SYT1: variants seen among roughly 807,000 people sequenced by gnomAD.
The protein encoded by SYT1 is synaptotagmin-1.
A neutral mutation model predicts 44.8 loss-of-function variants in SYT1; 8 were observed. The observed-to-expected ratio is 0.18, with a 90% confidence interval of 0.10 to 0.32. The LOEUF (loss-of-function observed/expected upper bound fraction) is 0.32. Among genes scored for constraint, SYT1 ranks in the 10% least tolerant of loss-of-function variants. The pLI is 1.00. For synonymous variants in SYT1, 154 were observed against 188.8 expected, an observed-to-expected ratio of 0.82 and a Z score of 1.51; for missense variants, 286 against 509.3, an observed-to-expected ratio of 0.56 and a Z score of 4.22.
At chr12:78,868,572 GT>G (rs1873661822) in intron 1 of SYT1, 2 of 151,772 alleles carry the variant, frequency 1.3e-5, no homozygotes, top group South Asian at 4.1e-4. Context: ...TTAAGGATAT[GT>G]GTGTGTATAT....
chr12:79,450,314 T>C lies in SYT1; in HGVS notation c.*1190T>C, dbSNP rs1870981450. The C allele has an allele frequency of 6.6e-6, 1 of 152,598 alleles. No individual in the cohort carries two copies. Among genetic ancestry groups the C allele is most frequent in the Non-Finnish European group, 1.5e-5 (1 of 68,016 alleles). 9.5% of individuals were successfully genotyped at this position (152,598 alleles called of 1,614,324 possible). ...AACAAAAACCAACAACAATTAGCCA[T>C]AGTTCTGAATGCACTTCAATTAAGC... On this transcript the variant is annotated 3_prime_UTR_variant, in exon 11 of 11. Coordinates refer to ENST00000261205, the MANE Select transcript of SYT1 (RefSeq NM_005639.3).
chr12:79,295,453 C>A (rs554415750), intron 6 of SYT1, among the ~76,000 whole-genome samples: 12 of 152,258 alleles, frequency 7.9e-5, no homozygotes, highest in Admixed American at 3.3e-4. Context: ...AATTACATTT[C>A]TTTTACTCCG....
At chr12:79,189,326 C>T (rs1400799603) in intron 3 of SYT1, among the ~76,000 whole-genome samples, 1 of 152,136 alleles carries the variant, frequency 6.6e-6, no homozygotes, top group Non-Finnish European at 1.5e-5. Context: ...GAGATCATTG[C>T]AGTATCTACT....
At chr12:79,014,122 C>CAAAAAAAAAAAAAAAAGAA (rs529431376) in intron 2 of SYT1, among the ~76,000 whole-genome samples, 6 of 39,722 alleles carry the variant, frequency 1.5e-4, no homozygotes, top group Admixed American at 6.1e-4. Flanking sequence ...AGACTCTCTC[C>CAAAAAAAAAAAAAAAAGAA]AAAAAAAAAA....
At chr12:79,159,173 G>A (rs943856241) in intron 3 of SYT1, among the ~76,000 whole-genome samples, 5 of 152,190 alleles carry the variant, frequency 3.3e-5, no homozygotes, top group African/African-American at 9.6e-5. Context: ...CAAGGAAAGA[G>A]AGGTGAACAG....
At chr12:78,982,679 G>A (rs1464504123) in intron 2 of SYT1, among the ~76,000 whole-genome samples, 1 of 152,150 alleles carries the variant, frequency 6.6e-6, no homozygotes, top group Admixed American at 6.6e-5. Flanking sequence ...GCAGCCTTGT[G>A]TGAATTTTCT....
rs538798973 is a variant in SYT1 at position 79,447,227 on chromosome 12, T to C, written c.1063-1691T>C. On this transcript the variant is annotated intron_variant, in intron 10 of 10. Coordinates refer to ENST00000261205, the MANE Select transcript of SYT1 (RefSeq NM_005639.3). Reference sequence around the variant, plus strand: ...ACTTTGTTCTTTTTTTTTTCCTTTTTTTATAGGAGGCAACTTTTCTAGTCT... The same window carrying C: ...ACTTTGTTCTTTTTTTTTTCCTTTTCTTATAGGAGGCAACTTTTCTAGTCT... 3.9e-5 allele frequency among the ~76,000 whole-genome samples: 6 copies of C among 152,218 alleles called. No individual in the cohort carries two copies. In the South Asian group the frequency reaches 6.2e-4, roughly 16 times the overall value.
At chr12:79,309,574 A>G (rs1329510926) in intron 8 of SYT1, among the ~76,000 whole-genome samples, 5 of 152,180 alleles carry the variant, frequency 3.3e-5, no homozygotes, top group Non-Finnish European at 5.9e-5. Context: ...TTAAAAGCAG[A>G]AGATTCTTAA....
chr12:79,258,033 A>T (rs1235698030), intron 4 of SYT1, among the ~76,000 whole-genome samples: 1 of 152,236 alleles, frequency 6.6e-6, no homozygotes, highest in African/African-American at 2.4e-5. Context: ...GAAGAAAAAA[A>T]ATCAACTGTT....
chr12:79,173,526 G>T (rs1016727216), intron 3 of SYT1, among the ~76,000 whole-genome samples: 1 of 151,986 alleles, frequency 6.6e-6, no homozygotes, highest in African/African-American at 2.4e-5. Flanking sequence ...GGAATATGAA[G>T]AGTAAAAATA....
At chr12:79,208,108 G>A (rs1033614195) in intron 3 of SYT1, among the ~76,000 whole-genome samples, 2 of 151,984 alleles carry the variant, frequency 1.3e-5, no homozygotes, top group African/African-American at 4.8e-5. Flanking sequence ...CTAATTCCTG[G>A]TCCTATTTGC....
At chr12:79,184,950 G>A (rs557545816) in intron 3 of SYT1, among the ~76,000 whole-genome samples, 231 of 152,096 alleles carry the variant, frequency 1.5e-3, no homozygotes, top group African/African-American at 5.3e-3. Context: ...TTCTATCCCA[G>A]GATCTCTTTC....
At chr12:78,870,799 G>A (rs746404056) in intron 1 of SYT1, among the ~76,000 whole-genome samples, 1 of 152,012 alleles carries the variant, frequency 6.6e-6, no homozygotes, top group Non-Finnish European at 1.5e-5. Flanking sequence ...ACTGTGGGTA[G>A]GAAACAGGTA....
At chr12:79,013,289 A>G (rs1215932902) in intron 2 of SYT1, among the ~76,000 whole-genome samples, 2 of 151,992 alleles carry the variant, frequency 1.3e-5, no homozygotes, top group Non-Finnish European at 2.9e-5. Flanking sequence ...TTTCATAAGT[A>G]TTTGTTGAAG....
intron 1 of SYT1, among the ~76,000 whole-genome samples, chr12:78,958,927 A>C (rs1277778681): frequency 6.6e-6 from 1 of 152,182 alleles, no homozygotes; most frequent in East Asian, 1.9e-4. Flanking sequence ...ATATTCTTAT[A>C]ATATGCTAAC....
At chr12:79,412,536 G>A (rs143539703) in intron 9 of SYT1, among the ~76,000 whole-genome samples, 4 of 152,202 alleles carry the variant, frequency 2.6e-5, no homozygotes, top group African/African-American at 9.6e-5. Flanking sequence ...ACCATCATCT[G>A]ATGGTTGCCT....
intron 9 of SYT1, among the ~76,000 whole-genome samples, chr12:79,360,347 T>A (rs1565925183): frequency 6.6e-6 from 1 of 152,214 alleles, no homozygotes; most frequent in Non-Finnish European, 1.5e-5. Flanking sequence ...TCTTTTTTTC[T>A]TGAGTCTCCT....
intron 3 of SYT1, among the ~76,000 whole-genome samples, chr12:79,168,270 C>G (rs531662887): frequency 4.6e-5 from 7 of 152,036 alleles, no homozygotes; most frequent in African/African-American, 9.7e-5. Flanking sequence ...GCCTCAGTTT[C>G]CTCATCTGTG....
rs142091644 is a variant in SYT1, at chr12:78,894,895, C to T, written c.-217+29786C>T. On this transcript the variant is annotated intron_variant, in intron 1 of 10. Transcript: ENST00000261205. ...CAGTATATTGTATACTTGAAAATTG[C>T]TAAAAAGTAGATTTTAAGTGTTCTC... is the stretch of plus-strand genomic sequence containing the variant. Among the ~76,000 whole-genome samples the T allele has an allele frequency of 2.8e-3, 423 of 151,570 alleles. 2 individuals are homozygous for T. Among genetic ancestry groups the T allele is most frequent in the African/African-American group, 9.5e-3 (395 of 41,414 alleles).
Sources: allele counts gnomAD v4.1 joint callset (sites outside exome capture counted in the v4.1 genomes callset), GRCh38; gene constraint gnomAD v4.1.1; transcripts MANE v1.5; gene names NCBI Gene and HGNC (gene_info 2026-07-23, HGNC 2026-07-21).